Variants in KDM5A observed in about 807,000 individuals in gnomAD.
KDM5A encodes the protein lysine-specific demethylase 5A.
Under a neutral mutation model 193.5 loss-of-function variants are expected in KDM5A, and 42 were observed. The ratio of observed to expected loss-of-function variants is 0.22; its 90% CI spans 0.17 to 0.28. The LOEUF is 0.28. Ranked by LOEUF, KDM5A falls within the 10% of genes least tolerant of loss-of-function variation. The pLI is 1.00. For missense variants in KDM5A, 1,692 were observed against 2,055.1 expected (o/e 0.82, Z 3.42); for synonymous variants, 796 against 718.1 (o/e 1.11, Z -1.73).
chr12:353,163 G>A (rs1327074886), intron 8 of KDM5A, among the ~76,000 whole-genome samples: 1 of 151,980 alleles, frequency 6.6e-6, no homozygotes, highest in Non-Finnish European at 1.5e-5. Flanking sequence ...GGCCAACATG[G>A]TAAACCTTGT....
At chr12:296,581 TA>T (rs1219566214) in intron 25 of KDM5A, among the ~76,000 whole-genome samples, 3 of 152,192 alleles carry the variant, frequency 2.0e-5, no homozygotes, top group Non-Finnish European at 2.9e-5. Context: ...AGTTGTGACC[TA>T]AAGTAATGTG....
chr12:355,091 G>A (rs181916951), intron 7 of KDM5A, 67 bp downstream of exon 7: 2 of 954,750 alleles, frequency 2.1e-6, no homozygotes, highest in Non-Finnish European at 3.5e-6. Context: ...TGATATATCA[G>A]GATAGAAAGT....
intron 14 of KDM5A, among the ~76,000 whole-genome samples, chr12:328,219 C>T (rs1361615287): frequency 6.6e-6 from 1 of 152,060 alleles, no homozygotes; most frequent in Non-Finnish European, 1.5e-5. Flanking sequence ...AAAAACAGAG[C>T]AGAATATCAG....
At chr12:338,057 TAG>T (rs1345441718) in intron 10 of KDM5A, among the ~76,000 whole-genome samples, 1 of 152,154 alleles carries the variant, frequency 6.6e-6, no homozygotes, top group African/African-American at 2.4e-5. Flanking sequence ...AGCAATATAT[TAG>T]AGAGACTGCA....
At chr12:298,466 T>G (rs1591900236) in intron 24 of KDM5A, among the ~76,000 whole-genome samples, 2 of 152,034 alleles carry the variant, frequency 1.3e-5, no homozygotes, top group East Asian at 3.9e-4. Flanking sequence ...CCTGACTGTT[T>G]GAAGGAAAAC....
chr12:282,168 A>G lies in KDM5A; in HGVS notation c.*3288T>C, dbSNP rs932120069. 2 of 252,100 alleles carry G rather than the reference A, an allele frequency of 7.9e-6. No homozygotes were observed. Among genetic ancestry groups the G allele is most frequent in the Non-Finnish European group, 1.6e-5 (2 of 128,150 alleles). The allele number at this position is 252,100 out of a possible 1,614,324, so 15.6% of individuals were successfully genotyped here. Reference sequence around the variant, plus strand: ...CCTTACAGCTTAGCCTCTGTCCTTTAAAAAAAGAGAGAGACAGACAGACAC... The same window carrying G: ...CCTTACAGCTTAGCCTCTGTCCTTTGAAAAAAGAGAGAGACAGACAGACAC... On this transcript the variant is annotated 3_prime_UTR_variant, in exon 28 of 28. Transcript: ENST00000399788.
In KDM5A at chr12:366,234, C is replaced by A. The variant is rs76717715; in HGVS notation, c.367-130G>T. The A allele has an allele frequency of 2.0e-3, 1,513 of 738,714 alleles. 18 individuals carry two copies. In the African/African-American group the frequency reaches 0.022, roughly 11 times the overall value. The allele number at this position is 738,714 out of a possible 1,614,324, so 45.8% of individuals were successfully genotyped here. On this transcript the variant is annotated intron_variant, in intron 3 of 27. Transcript: ENST00000399788. ...AAATTTCCTTTCAATGAGTATCTAA[C>A]CAAACTGACACTTGTCAACATTTAG...
intron 24 of KDM5A, among the ~76,000 whole-genome samples, chr12:303,649 A>G (rs1943471679): frequency 6.7e-6 from 1 of 150,066 alleles, no homozygotes; most frequent in Admixed American, 6.6e-5. Context: ...AACTTAAAGT[A>G]TAATACAAAA....
intron 3 of KDM5A, 118 bp from the exon 4 acceptor site, chr12:366,222 A>G (rs1200138856): frequency 7.3e-6 from 6 of 820,092 alleles, no homozygotes; most frequent in Non-Finnish European, 1.2e-5. Flanking sequence ...TTTCCTTTCA[A>G]TGAGTATCTA....
chr12:373,284 T>A (rs752984797), intron 3 of KDM5A, among the ~76,000 whole-genome samples: 1 of 152,228 alleles, frequency 6.6e-6, no homozygotes, highest in Non-Finnish European at 1.5e-5. Flanking sequence ...GTTATTGGTC[T>A]ATTCAGGGAT....
chr12:366,165 A>T (rs1565547982), intron 3 of KDM5A, 61 bp from the exon 4 acceptor site: 2 of 1,437,348 alleles, frequency 1.4e-6, no homozygotes, highest in Non-Finnish European at 1.9e-6. Context: ...TTGACTCTTA[A>T]GTCTTGTCTA....
chr12:366,983 G>A (rs540585573), intron 3 of KDM5A, among the ~76,000 whole-genome samples: 1 of 152,302 alleles, frequency 6.6e-6, no homozygotes, highest in East Asian at 1.9e-4. Flanking sequence ...ATTCAGTAGA[G>A]TAACAGGCTG....
chr12:356,413 A>G lies in KDM5A; in HGVS notation c.778+19T>C. The G allele has an allele frequency of 6.9e-7, 1 of 1,450,242 alleles. No individual in the cohort carries two copies. Among genetic ancestry groups the G allele is most frequent in the Non-Finnish European group, 9.7e-7 (1 of 1,030,992 alleles). The allele number at this position is 1,450,242 out of a possible 1,614,324, so 89.8% of individuals were successfully genotyped here. A position where few individuals can be genotyped will look rare whatever the true frequency, so the allele number is the denominator to read the frequency against. Reference sequence around the variant, plus strand: ...ATATTCTACCTTATCTCTTTTCATGATCAAACAACAAATTTTACCTTCTTT... The same window carrying G: ...ATATTCTACCTTATCTCTTTTCATGGTCAAACAACAAATTTTACCTTCTTT... On this transcript the variant is annotated intron_variant, in intron 6 of 27. Coordinates refer to ENST00000399788, the MANE Select transcript of KDM5A (RefSeq NM_001042603.3).
At chr12:358,220 A>AC (rs1944250468) in intron 5 of KDM5A, among the ~76,000 whole-genome samples, 2 of 152,210 alleles carry the variant, frequency 1.3e-5, no homozygotes, top group African/African-American at 4.8e-5. Flanking sequence ...GCCAAAATTT[A>AC]TTTTAAATGT....
At chr12:363,286 C>G (rs1196169542) in intron 4 of KDM5A, among the ~76,000 whole-genome samples, 189 bp from the exon 5 acceptor site, 1 of 151,810 alleles carries the variant, frequency 6.6e-6, no homozygotes, top group Admixed American at 6.6e-5. Flanking sequence ...GAAAGCCGAC[C>G]CTAAAATTTA....
intron 5 of KDM5A, among the ~76,000 whole-genome samples, chr12:357,937 C>T (rs1411901010): frequency 6.8e-6 from 1 of 146,484 alleles, no homozygotes; most frequent in Non-Finnish European, 1.5e-5. Context: ...AACAGCCATA[C>T]TACAACTGGG....
chr12:362,606 TCC>T (rs1477395165), intron 5 of KDM5A, among the ~76,000 whole-genome samples: 2 of 152,200 alleles, frequency 1.3e-5, no homozygotes, highest in African/African-American at 4.8e-5. Flanking sequence ...TTATTTGTCA[TCC>T]CTGTCAAAAA....
At chr12:293,691 A>G (rs377064607) in intron 26 of KDM5A, among the ~76,000 whole-genome samples, 1 of 144,640 alleles carries the variant, frequency 6.9e-6, no homozygotes, top group African/African-American at 2.5e-5. Flanking sequence ...AGGCAGGAGA[A>G]TGGCTTGATC....
Position 310,900 on chromosome 12 carries a change from G to A in KDM5A, c.3201C>T (p.Ser1067=). 1 of 1,614,148 alleles carries A rather than the reference G, an allele frequency of 6.2e-7. No individual in the cohort carries two copies. The highest frequency in any genetic ancestry group is 8.5e-7 in the Non-Finnish European group (1 of 1,180,002). The change falls in exon 21 of 28, where the codon AGC becomes AGT. Residue 1067 remains serine, a synonymous_variant. Transcript: ENST00000399788. The part of the protein sequence containing the change: ...TGRTFLKKNS[S]HTLLQVLSPR... Reference sequence around the variant, plus strand: ...GTTCAAGTACCTGTAACAATGTATGGCTAGAATTCTTCTTAAGAAACGTCC... The same window carrying A: ...GTTCAAGTACCTGTAACAATGTATGACTAGAATTCTTCTTAAGAAACGTCC...
Sources: allele counts gnomAD v4.1 joint callset (sites outside exome capture counted in the v4.1 genomes callset), GRCh38; gene constraint gnomAD v4.1.1; transcripts MANE v1.5; gene names NCBI Gene and HGNC (gene_info 2026-07-23, HGNC 2026-07-21).